The following KIAA1217 variants were observed in gnomAD, a reference collection of about 807,000 sequenced individuals.
KIAA1217 encodes the protein sickle tail protein homolog.
KIAA1217 carries 88 observed loss-of-function variants against 163.9 expected under a neutral mutation model. The observed-to-expected ratio is 0.54, with a 90% CI of 0.45 to 0.64. The LOEUF (loss-of-function observed/expected upper bound fraction) is 0.64, where lower values mean the gene tolerates loss of function less well. Ranked by LOEUF, KIAA1217 falls within the 30% of genes least tolerant of loss-of-function variation. The pLI is 0.00. For missense variants in KIAA1217, 2,372 were observed against 2,475.0 expected (o/e 0.96, Z 0.88); for synonymous variants, 903 against 923.1 (o/e 0.98, Z 0.39).
chr10:24,246,560 C>G (rs1166692305), intron 2 of KIAA1217, among the ~76,000 whole-genome samples: 1 of 152,202 alleles, frequency 6.6e-6, no homozygotes, highest in Non-Finnish European at 1.5e-5. Flanking sequence ...GTGAAATACA[C>G]TTGACATGTG....
rs1171830260 is a variant in KIAA1217, at chr10:24,543,725, G to A, written c.4455G>A (p.Glu1485=). 6.2e-7 allele frequency: 1 copy of A among 1,613,844 alleles called. No homozygotes were observed. Among genetic ancestry groups the A allele is most frequent in the Non-Finnish European group, 8.5e-7 (1 of 1,179,902 alleles). The change falls in exon 19 of 21, where the codon GAG becomes GAA. Residue 1485 remains glutamate (E), a synonymous_variant. Coordinates refer to ENST00000376454, the MANE Select transcript of KIAA1217 (RefSeq NM_019590.5). ...AGGAAAAGATAGAGGAGGAGGAAGA[G>A]GAGGAAAATGGGGATTCTGTAGTCC... ...MMEEKIEEEE[E]EENGDSVVQN... is the part of the protein sequence containing the mutation.
At chr10:24,536,492 T>C (rs1316435791) in intron 16 of KIAA1217, among the ~76,000 whole-genome samples, 1 of 152,188 alleles carries the variant, frequency 6.6e-6, no homozygotes, top group Non-Finnish European at 1.5e-5. Flanking sequence ...TAAGTACCAA[T>C]TTATGTTCAC....
chr10:24,193,801 TACACACACAC>T lies in KIAA1217; in HGVS notation c.-170-25789_-170-25780del, dbSNP rs10562687. Among the ~76,000 whole-genome samples the T allele has an allele frequency of 8.0e-3, 1,139 of 142,290 alleles. 16 individuals are homozygous for T. The highest frequency in any genetic ancestry group is 0.016 in the African/African-American group (589 of 37,916). 93.3% of individuals were successfully genotyped at this position (142,290 alleles called of 152,430 possible). On this transcript the variant is annotated intron_variant, in intron 2 of 18. Coordinates refer to the KIAA1217 transcript ENST00000376462. ...TATGAACTCCATCTGCAGCGTTTTC[TACACACACAC>T]ACACACACACACACACACACACACA...
intron 3 of KIAA1217, among the ~76,000 whole-genome samples, chr10:24,393,924 G>A (rs7914659): frequency 2.3e-3 from 343 of 152,254 alleles, no homozygotes; most frequent in African/African-American, 6.9e-3. Context: ...TTCTTCTTTC[G>A]TCCTGTCTCC....
intron 2 of KIAA1217, among the ~76,000 whole-genome samples, chr10:24,036,285 G>A (rs974305145): frequency 3.9e-5 from 6 of 152,168 alleles, no homozygotes; most frequent in Admixed American, 2.0e-4. Context: ...GAGGATTTAC[G>A]TCAACAGAAA....
At chr10:23,968,681 A>G (rs776212038) in intron 1 of KIAA1217, among the ~76,000 whole-genome samples, 2 of 152,142 alleles carry the variant, frequency 1.3e-5, no homozygotes, top group Non-Finnish European at 2.9e-5. Flanking sequence ...TTGTCTCTGT[A>G]TATTTGCCTC....
At chr10:23,855,588 A>C (rs1027746366) in intron 1 of KIAA1217, among the ~76,000 whole-genome samples, 1 of 151,812 alleles carries the variant, frequency 6.6e-6, no homozygotes, top group African/African-American at 2.4e-5. Flanking sequence ...GAAGTTCTGG[A>C]TAATATCCTG....
At chr10:24,531,590 T>C (rs1348803611) in intron 14 of KIAA1217, among the ~76,000 whole-genome samples, 2 of 152,156 alleles carry the variant, frequency 1.3e-5, no homozygotes. Flanking sequence ...GAGGAAAGTA[T>C]ATTATACTAC....
chr10:23,754,429 A>G (rs1203254806), intron 1 of KIAA1217, among the ~76,000 whole-genome samples: 6 of 152,320 alleles, frequency 3.9e-5, no homozygotes, highest in Admixed American at 1.3e-4. Context: ...GCTAGAACTC[A>G]GAGTTTTACA....
At chr10:24,236,811 C>T (rs972611876) in intron 2 of KIAA1217, among the ~76,000 whole-genome samples, 4 of 151,874 alleles carry the variant, frequency 2.6e-5, no homozygotes, top group Non-Finnish European at 5.9e-5. Context: ...ACCAGCACGC[C>T]GGGCTAATTT....
chr10:23,907,470 AG>A (rs1842213327), intron 1 of KIAA1217, among the ~76,000 whole-genome samples: 1 of 152,074 alleles, frequency 6.6e-6, no homozygotes, highest in African/African-American at 2.4e-5. Context: ...GAACCAGGAA[AG>A]CCAGTGGTAT....
intron 2 of KIAA1217, among the ~76,000 whole-genome samples, chr10:24,121,962 G>A (rs2063298139): frequency 1.3e-5 from 2 of 152,066 alleles, no homozygotes; most frequent in African/African-American, 4.8e-5. Context: ...TACATAACGT[G>A]TGGTTATCTT....
intron 2 of KIAA1217, among the ~76,000 whole-genome samples, chr10:24,353,640 G>A (rs549752660): frequency 2.6e-5 from 4 of 151,996 alleles, no homozygotes; most frequent in Admixed American, 6.5e-5. Context: ...TCTCTCTCTT[G>A]ATGTGACTCA....
At chr10:23,865,591 T>A (rs977015757) in intron 1 of KIAA1217, among the ~76,000 whole-genome samples, 8 of 152,126 alleles carry the variant, frequency 5.3e-5, no homozygotes, top group Non-Finnish European at 1.0e-4. Context: ...CCTTTTATAA[T>A]CCAAACTGCC....
At chr10:24,308,568 G>T (rs117795401) in intron 2 of KIAA1217, among the ~76,000 whole-genome samples, 3 of 152,182 alleles carry the variant, frequency 2.0e-5, no homozygotes, top group Admixed American at 6.5e-5. Flanking sequence ...ATTCAGACAC[G>T]GGCTCTGAGC....
chr10:24,364,326 C>T (rs1294190656), intron 2 of KIAA1217, among the ~76,000 whole-genome samples: 5 of 152,130 alleles, frequency 3.3e-5, no homozygotes, highest in Non-Finnish European at 1.5e-5. Context: ...TAGTCAAAGC[C>T]GTAAATCAAG....
At chr10:24,527,078 A>G (rs1275141631) in intron 13 of KIAA1217, among the ~76,000 whole-genome samples, 2 of 152,120 alleles carry the variant, frequency 1.3e-5, no homozygotes, top group African/African-American at 4.8e-5. Flanking sequence ...AAGTATGCAG[A>G]TGTTTTAAAA....
rs1590777075 is a variant in KIAA1217 at position 24,303,712 on chromosome 10, G to A, written c.355-77157G>A. Among the ~76,000 whole-genome samples the A allele has an allele frequency of 2.0e-5, 3 of 152,290 alleles. No individual in the cohort carries two copies. In the South Asian group the frequency reaches 6.2e-4, roughly 32 times the overall value. On this transcript the variant is annotated intron_variant, in intron 2 of 20. Coordinates refer to ENST00000376454, the MANE Select transcript of KIAA1217 (RefSeq NM_019590.5). ...TTCGAAGTTCCTGTTGGACGTTGAA[G>A]GCTGTTGGCTGTGAGTCTGCCTTCC...
At chr10:24,467,016 A>G (rs1355758225) in intron 5 of KIAA1217, among the ~76,000 whole-genome samples, 1 of 152,062 alleles carries the variant, frequency 6.6e-6, no homozygotes, top group Non-Finnish European at 1.5e-5. Context: ...CAGTTTCCCA[A>G]GATGATTTTA....
Sources: gnomAD v4.1 joint callset for allele counts (sites outside exome capture counted in the v4.1 genomes callset) on GRCh38, gnomAD v4.1.1 for gene constraint, MANE v1.5 for transcripts, NCBI Gene and HGNC (gene_info 2026-07-23, HGNC 2026-07-21) for gene names.